PAPPA: variants seen among roughly 807,000 people sequenced by gnomAD.
The protein encoded by PAPPA is pappalysin 1, also known as pappalysin-1.
PAPPA carries 60 observed loss-of-function variants against 164.0 expected under a neutral mutation model. That is an observed-to-expected ratio of 0.37 (90% confidence interval 0.30 to 0.45). The LOEUF (loss-of-function observed/expected upper bound fraction) is 0.45. Ranked by LOEUF, PAPPA falls within the 20% of genes least tolerant of loss-of-function variation. The pLI is 1.00. For missense variants in PAPPA, 1,782 were observed against 2,087.3 expected (o/e 0.85, Z 2.85); for synonymous variants, 875 against 814.1 (o/e 1.07, Z -1.27).
chr9:116,181,734 C>T (rs112570053), intron 1 of PAPPA, among the ~76,000 whole-genome samples: 109 of 152,274 alleles, frequency 7.2e-4, no homozygotes, highest in African/African-American at 2.1e-3. Context: ...AGGCTGGTAA[C>T]GGAAATCCAG....
intron 9 of PAPPA, among the ~76,000 whole-genome samples, chr9:116,295,553 CAAAAAAAA>C (rs56171405): frequency 8.7e-6 from 1 of 114,726 alleles, no homozygotes; most frequent in Non-Finnish European, 1.7e-5. Flanking sequence ...GACTCGGTCT[CAAAAAAAA>C]AAAAAAAAAG....
At chr9:116,216,004 T>C (rs1474316566) in intron 4 of PAPPA, among the ~76,000 whole-genome samples, 3 of 152,206 alleles carry the variant, frequency 2.0e-5, no homozygotes, top group African/African-American at 7.2e-5. Flanking sequence ...AATTTTATTA[T>C]CTATAGGTAA....
At position 116,256,930 on chromosome 9, in the gene PAPPA, G is replaced by GT. The variant is rs34511305; in HGVS notation, c.2733-8917dup. 3.5e-3 allele frequency among the ~76,000 whole-genome samples: 515 copies of GT among 148,854 alleles called. 2 individuals carry two copies. Among genetic ancestry groups the GT allele is most frequent in the African/African-American group, 0.01 (420 of 40,746 alleles). On this transcript the variant is annotated intron_variant, in intron 7 of 21. Transcript: ENST00000328252. ...ATAGAGATGTAGACTATTTTTTAAA[G>GT]TTTTTTTTTTACCATGTACTAGGCC...
chr9:116,235,771 T>G (rs1245230919), intron 7 of PAPPA, 134 bp downstream of exon 7: 8 of 857,496 alleles, frequency 9.3e-6, no homozygotes, highest in Non-Finnish European at 1.5e-5. Context: ...AACCCATCAT[T>G]GGGTGTAGAT....
intron 13 of PAPPA, among the ~76,000 whole-genome samples, chr9:116,336,402 A>G (rs893508478): frequency 5.3e-5 from 8 of 152,230 alleles, no homozygotes; most frequent in Admixed American, 3.9e-4. Flanking sequence ...CTTCTTAAAT[A>G]TAATTCATTG....
At chr9:116,184,706 G>T (rs1017734993) in intron 1 of PAPPA, among the ~76,000 whole-genome samples, 7 of 152,172 alleles carry the variant, frequency 4.6e-5, no homozygotes, top group African/African-American at 1.7e-4. Flanking sequence ...AAATTACCCT[G>T]AGTGCAAAGA....
At chr9:116,276,988 CAAG>C (rs1279966585) in intron 9 of PAPPA, among the ~76,000 whole-genome samples, 2 of 152,044 alleles carry the variant, frequency 1.3e-5, no homozygotes, top group African/African-American at 4.8e-5. Flanking sequence ...GAAAGGAAAA[CAAG>C]AAGATGAATC....
chr9:116,260,181 C>G (rs531022603), intron 7 of PAPPA, among the ~76,000 whole-genome samples: 2 of 152,200 alleles, frequency 1.3e-5, no homozygotes, highest in East Asian at 3.9e-4. Flanking sequence ...GAGGAGCATA[C>G]AGGTGGGTTT....
chr9:116,160,163 A>G (rs1843650685), intron 1 of PAPPA, among the ~76,000 whole-genome samples: 1 of 152,164 alleles, frequency 6.6e-6, no homozygotes, highest in Non-Finnish European at 1.5e-5. Flanking sequence ...CAGAGGCCCA[A>G]AGGGTAAACG....
At chr9:116,314,855 A>G (rs1845768736) in intron 10 of PAPPA, among the ~76,000 whole-genome samples, 1 of 152,176 alleles carries the variant, frequency 6.6e-6, no homozygotes, top group South Asian at 2.1e-4. Context: ...TTCCATGTAC[A>G]GAATACTTCT....
At position 116,154,199 on chromosome 9, in the gene PAPPA, C is replaced by A; in HGVS notation, c.27C>A (p.His9Gln). Residue 9 changes from histidine to glutamine, a missense_variant, in exon 1 of 22, where the codon CAC (histidine) becomes CAA (glutamine). Transcript: ENST00000328252. The surrounding 1 kb of genome is among the most constrained non-coding windows in gnomAD (Gnocchi z 5.2). Reference protein sequence around the residue: MRLWSWVLHLGLLSAALGC... With the variant: MRLWSWVLQLGLLSAALGC... ...TGCGGCTCTGGAGTTGGGTGCTGCACCTGGGGCTGCTGAGCGCCGCGCTGG... is the reference window on the plus strand; with the variant it reads ...TGCGGCTCTGGAGTTGGGTGCTGCAACTGGGGCTGCTGAGCGCCGCGCTGG... 1 of 1,483,170 alleles carries A rather than the reference C, an allele frequency of 6.7e-7. No homozygotes were observed. 91.9% of individuals were successfully genotyped at this position (1,483,170 alleles called of 1,614,324 possible). A position where few individuals can be genotyped will look rare whatever the true frequency, so the allele number is the denominator to read the frequency against.
At chr9:116,197,694 A>G (rs553702518) in intron 2 of PAPPA, among the ~76,000 whole-genome samples, 5 of 152,328 alleles carry the variant, frequency 3.3e-5, no homozygotes, top group South Asian at 4.1e-4. Flanking sequence ...CCAAATTTGG[A>G]GAAGTTACTA....
intron 21 of PAPPA, among the ~76,000 whole-genome samples, chr9:116,395,674 A>C (rs531224964): frequency 6.6e-6 from 1 of 152,312 alleles, no homozygotes; most frequent in Non-Finnish European, 1.5e-5. Flanking sequence ...AGAGCACATG[A>C]AGGAACGAAC....
chr9:116,346,640 T>C (rs545850947), intron 14 of PAPPA, among the ~76,000 whole-genome samples: 9 of 152,272 alleles, frequency 5.9e-5, no homozygotes, highest in South Asian at 2.1e-4. Flanking sequence ...TCACAGTCTG[T>C]TTTGTGAAAG....
intron 7 of PAPPA, among the ~76,000 whole-genome samples, chr9:116,249,219 A>G (rs1844831847): frequency 6.6e-6 from 1 of 152,250 alleles, no homozygotes; most frequent in Non-Finnish European, 1.5e-5. Flanking sequence ...AGGGAAGCAC[A>G]TGGGCTAAGA....
intron 6 of PAPPA, among the ~76,000 whole-genome samples, chr9:116,234,184 G>A (rs564207428): frequency 6.6e-6 from 1 of 152,266 alleles, no homozygotes; most frequent in East Asian, 1.9e-4. Flanking sequence ...GCAAGGAAGA[G>A]CTCTCTGGGA....
chr9:116,177,586 C>G (rs1843852086), intron 1 of PAPPA, among the ~76,000 whole-genome samples: 1 of 152,166 alleles, frequency 6.6e-6, no homozygotes, highest in Non-Finnish European at 1.5e-5. Context: ...GGTGAAGGGT[C>G]AGTCTTGGGG....
intron 4 of PAPPA, among the ~76,000 whole-genome samples, chr9:116,212,457 T>C (rs1844320209): frequency 6.6e-6 from 1 of 152,178 alleles, no homozygotes; most frequent in Non-Finnish European, 1.5e-5. Flanking sequence ...TTAGCACCTT[T>C]GGCAAATTAG....
chr9:116,230,778 A>AT (rs1211777335), intron 6 of PAPPA, among the ~76,000 whole-genome samples: 2 of 152,092 alleles, frequency 1.3e-5, no homozygotes, highest in African/African-American at 2.4e-5. Flanking sequence ...ATACATGAAT[A>AT]TTTTTGAGAT....
Sources: allele counts gnomAD v4.1 joint callset (sites outside exome capture counted in the v4.1 genomes callset), GRCh38; gene constraint gnomAD v4.1.1; non-coding constraint Gnocchi (gnomAD v3.1); transcripts MANE v1.5; gene names NCBI Gene and HGNC (gene_info 2026-07-23, HGNC 2026-07-21).